Variants in AP1S3 observed in about 807,000 individuals in gnomAD.
AP1S3 encodes the protein AP-1 complex subunit sigma-3.
In AP1S3, 10 loss-of-function variants were observed where a neutral mutation model predicts 20.9. The ratio of observed to expected loss-of-function variants is 0.48; its 90% confidence interval spans 0.29 to 0.81. The LOEUF (loss-of-function observed/expected upper bound fraction) is 0.81. AP1S3 is among the 30% of genes least tolerant of loss of function. AP1S3 has a pLI of 0.08. For missense variants in AP1S3, 154 were observed against 183.8 expected (o/e 0.84, Z 0.94); for synonymous variants, 41 against 61.5 (o/e 0.67, Z 1.56).
chr2:223,782,691 C>T (rs1009797512), intron 1 of AP1S3, among the ~76,000 whole-genome samples: 3 of 152,112 alleles, frequency 2.0e-5, no homozygotes, highest in African/African-American at 7.2e-5. Context: ...TCCATTAAGC[C>T]CATATGAAAT....
Position 223,756,126 on chromosome 2 carries a change from G to A in AP1S3, c.*2589C>T, listed in dbSNP as rs1260608457. 12 of 819,680 alleles carry A rather than the reference G, an allele frequency of 1.5e-5. No homozygotes were observed. Among genetic ancestry groups the A allele is most frequent in the Non-Finnish European group, 1.8e-5 (12 of 679,170 alleles). The allele number at this position is 819,680 out of a possible 1,614,324, so 50.8% of individuals were successfully genotyped here. On this transcript the variant is annotated 3_prime_UTR_variant, in exon 5 of 5. Transcript: ENST00000396654. ...GGCCAAGGCGGGCGGATCACCTGAGGTCGGCGTTCAAGACCAGCCTGACCA... is the reference window on the plus strand; with the variant it reads ...GGCCAAGGCGGGCGGATCACCTGAGATCGGCGTTCAAGACCAGCCTGACCA...
Position 223,763,014 on chromosome 2 carries a change from C to T in AP1S3, c.429+2199G>A, listed in dbSNP as rs77105744. Among the ~76,000 whole-genome samples, 1,504 of 152,212 alleles carry T rather than the reference C, an allele frequency of 9.9e-3. 26 individuals are homozygous for T. Among genetic ancestry groups the T allele is most frequent in the African/African-American group, 0.033 (1,370 of 41,544 alleles). On this transcript the variant is annotated intron_variant, in intron 4 of 4. Coordinates refer to ENST00000396654, the MANE Select transcript of AP1S3 (RefSeq NM_001039569.2). ...ATCCAGTTGAAACCTCTTAAGCAGGCAAGATATGCAAAGTCAATTCTTCAA... is the reference window on the plus strand; with the variant it reads ...ATCCAGTTGAAACCTCTTAAGCAGGTAAGATATGCAAAGTCAATTCTTCAA...
chr2:223,784,406 C>T (rs1386558542), intron 1 of AP1S3, among the ~76,000 whole-genome samples: 2 of 152,110 alleles, frequency 1.3e-5, no homozygotes, highest in Admixed American at 6.5e-5. Flanking sequence ...ACTTGTCACA[C>T]CCACCCCCCA....
At chr2:223,776,045 A>G (rs779484957) in intron 2 of AP1S3, 36 bp from the exon 3 acceptor site, 1 of 1,533,846 alleles carries the variant, frequency 6.5e-7, no homozygotes, top group Admixed American at 1.7e-5. Flanking sequence ...AAATATGACA[A>G]TACATTAAGC....
chr2:223,795,568 C>A (rs1409473267), intron 1 of AP1S3, among the ~76,000 whole-genome samples: 1 of 146,114 alleles, frequency 6.8e-6, no homozygotes, highest in East Asian at 2.1e-4. Flanking sequence ...GCCTGCTGGG[C>A]ATTTATCACT....
intron 1 of AP1S3, among the ~76,000 whole-genome samples, chr2:223,823,428 C>T (rs181964045): frequency 2.6e-5 from 4 of 152,264 alleles, no homozygotes; most frequent in Non-Finnish European, 4.4e-5. Context: ...AAAACCCTGT[C>T]ATTTGTGAGA....
intron 3 of AP1S3, among the ~76,000 whole-genome samples, chr2:223,768,448 C>T (rs1009862687): frequency 9.9e-5 from 15 of 152,162 alleles, no homozygotes; most frequent in African/African-American, 3.4e-4. Context: ...AATCACTCCC[C>T]CGTACTGTGA....
intron 1 of AP1S3, among the ~76,000 whole-genome samples, chr2:223,814,695 A>G (rs1390044109): frequency 6.6e-6 from 1 of 152,264 alleles, no homozygotes; most frequent in East Asian, 1.9e-4. Context: ...AGGTTTGCAC[A>G]TTAAACTAAA....
intron 1 of AP1S3, among the ~76,000 whole-genome samples, chr2:223,830,491 A>G (rs1202565947): frequency 2.0e-5 from 3 of 151,896 alleles, no homozygotes; most frequent in Non-Finnish European, 2.9e-5. Context: ...AAAAAAAAAA[A>G]AAAAAATTAT....
chr2:223,767,678 T>A (rs1324271311), intron 3 of AP1S3, among the ~76,000 whole-genome samples: 1 of 151,984 alleles, frequency 6.6e-6, no homozygotes, highest in Admixed American at 6.6e-5. Context: ...TCTCACCCAC[T>A]AACTAGACAT....
chr2:223,793,106 G>A (rs997353656), intron 1 of AP1S3, among the ~76,000 whole-genome samples: 59 of 152,140 alleles, frequency 3.9e-4, no homozygotes, highest in African/African-American at 1.4e-3. Flanking sequence ...AAAAAGGAAC[G>A]CTTTTACACT....
At chr2:223,808,984 G>T (rs921023238) in intron 1 of AP1S3, among the ~76,000 whole-genome samples, 1 of 152,194 alleles carries the variant, frequency 6.6e-6, no homozygotes, top group East Asian at 1.9e-4. Context: ...GACACAGGGA[G>T]ACCCCGTCTA....
At chr2:223,796,971 G>T (rs1258094870) in intron 1 of AP1S3, among the ~76,000 whole-genome samples, 1 of 152,078 alleles carries the variant, frequency 6.6e-6, no homozygotes, top group Non-Finnish European at 1.5e-5. Context: ...GCCCTCTAAC[G>T]ACTTTTTCTA....
chr2:223,781,798 T>C (rs1457660725), intron 1 of AP1S3, among the ~76,000 whole-genome samples: 1 of 152,104 alleles, frequency 6.6e-6, no homozygotes, highest in Non-Finnish European at 1.5e-5. Context: ...AGTGAACAGT[T>C]CCATTTTTAC....
At position 223,779,214 on chromosome 2, in the gene AP1S3, G is replaced by A. The variant is rs115301209; in HGVS notation, c.4-1345C>T. On this transcript the variant is annotated intron_variant, in intron 1 of 4. Coordinates refer to ENST00000396654, the MANE Select transcript of AP1S3 (RefSeq NM_001039569.2). ...AATGAATTTTAAAAGATTTAAATAA[G>A]CAGAAGACATTAGAACATCTGGAAA... Among the ~76,000 whole-genome samples, 697 of 152,246 alleles carry A rather than the reference G, an allele frequency of 4.6e-3. 2 individuals carry two copies. Among genetic ancestry groups the A allele is most frequent in the African/African-American group, 0.016 (671 of 41,532 alleles).
At chr2:223,792,299 T>C (rs1045361833) in intron 1 of AP1S3, among the ~76,000 whole-genome samples, 3 of 152,104 alleles carry the variant, frequency 2.0e-5, no homozygotes, top group African/African-American at 7.2e-5. Flanking sequence ...GCTACAAGGC[T>C]ATAATAACCA....
At chr2:223,820,041 T>C (rs1261743387) in intron 1 of AP1S3, among the ~76,000 whole-genome samples, 1 of 152,224 alleles carries the variant, frequency 6.6e-6, no homozygotes, top group African/African-American at 2.4e-5. Context: ...GCAAATTTTA[T>C]TGGCATAATG....
At chr2:223,819,648 AG>A (rs933599409) in intron 1 of AP1S3, among the ~76,000 whole-genome samples, 3 of 152,068 alleles carry the variant, frequency 2.0e-5, no homozygotes, top group African/African-American at 7.2e-5. Context: ...CTAATTTCAC[AG>A]TTAACCAAAA....
chr2:223,799,729 G>A (rs1691423370), intron 1 of AP1S3, among the ~76,000 whole-genome samples: 4 of 152,038 alleles, frequency 2.6e-5, no homozygotes, highest in Admixed American at 2.6e-4. Context: ...GCATTAGAAA[G>A]GACAATAAAG....
Sources: gnomAD v4.1 joint callset for allele counts (sites outside exome capture counted in the v4.1 genomes callset) on GRCh38, gnomAD v4.1.1 for gene constraint, MANE v1.5 for transcripts, NCBI Gene and HGNC (gene_info 2026-07-23, HGNC 2026-07-21) for gene names.